Variants in MAGI2 observed in about 807,000 individuals in gnomAD.
MAGI2 encodes the protein membrane associated guanylate kinase, WW and PDZ domain containing 2.
MAGI2 carries 35 observed loss-of-function variants against 133.3 expected under a neutral mutation model. The ratio of observed to expected loss-of-function variants is 0.26; its 90% CI spans 0.20 to 0.35. The LOEUF (loss-of-function observed/expected upper bound fraction) is 0.35. Among genes scored for constraint, MAGI2 ranks in the 10% least tolerant of loss-of-function variants. MAGI2 has a pLI of 1.00. For missense variants in MAGI2, 1,636 were observed against 1,863.4 expected (o/e 0.88, Z 2.25); for synonymous variants, 729 against 710.6 (o/e 1.03, Z -0.41).
chr7:79,162,686 C>T (rs1304023638), intron 1 of MAGI2, among the ~76,000 whole-genome samples: 1 of 152,016 alleles, frequency 6.6e-6, no homozygotes, highest in Non-Finnish European at 1.5e-5. Context: ...AACAAAGCCT[C>T]CTGGGTATTT....
intron 3 of MAGI2, among the ~76,000 whole-genome samples, chr7:78,555,689 T>G (rs551936749): frequency 6.6e-6 from 1 of 152,220 alleles, no homozygotes; most frequent in East Asian, 1.9e-4. Flanking sequence ...ATTTATAGGG[T>G]GCTAAAGGAA....
At chr7:79,326,489 G>A (rs1839703761) in intron 1 of MAGI2, among the ~76,000 whole-genome samples, 3 of 152,046 alleles carry the variant, frequency 2.0e-5, no homozygotes. Context: ...GTTTTAAAAC[G>A]TCATTAATTG....
At chr7:79,131,440 A>G (rs1820930411) in intron 1 of MAGI2, among the ~76,000 whole-genome samples, 1 of 152,182 alleles carries the variant, frequency 6.6e-6, no homozygotes, top group South Asian at 2.1e-4. Flanking sequence ...GATAAATACT[A>G]ATATGTATCT....
At position 78,521,453 on chromosome 7, in the gene MAGI2, C is replaced by T. The variant is rs1796496462; in HGVS notation, c.731G>A (p.Gly244Glu). ...EEEEERPVVN[G>E]NGVVVTPESS... ...ACCTGGTGTTACTACTACTCCATTTCCATTGACCACAGGCCTCTCTTCCTC... is the reference window on the plus strand; with the variant it reads ...ACCTGGTGTTACTACTACTCCATTTTCATTGACCACAGGCCTCTCTTCCTC... Residue 244 changes from glycine (G) to glutamate (E), a missense_variant, in exon 4 of 22, where the codon GGA becomes GAA. Gly to Glu is a moderately conservative substitution (Grantham distance 98). Transcript: ENST00000354212. 1 of 1,613,902 alleles carries T rather than the reference C, an allele frequency of 6.2e-7. No individual in the cohort carries two copies. The highest frequency in any genetic ancestry group is 8.5e-7 in the Non-Finnish European group (1 of 1,179,966).
In MAGI2 at chr7:79,387,094, T is replaced by TTGTGTGTGTGTGTGTGTGTGTG. The variant is rs3050633; in HGVS notation, c.301+65904_301+65925dup. On this transcript the variant is annotated intron_variant, in intron 1 of 21. Transcript: ENST00000354212. ...AGAGATGGCTCACAAATTTTTATGC[T>TTGTGTGTGTGTGTGTGTGTGTG]TGTGTGTGTGTGTGTGTGTGTGTGT... Among the ~76,000 whole-genome samples, 255 of 141,584 alleles carry TTGTGTGTGTGTGTGTGTGTGTG rather than the reference T, an allele frequency of 1.8e-3. 3 individuals carry two copies. The highest frequency in any genetic ancestry group is 5.6e-3 in the African/African-American group (208 of 37,450). The allele number at this position is 141,584 out of a possible 152,430, so 92.9% of individuals were successfully genotyped here.
chr7:78,882,044 A>G (rs556758604), intron 2 of MAGI2, among the ~76,000 whole-genome samples: 90 of 140,564 alleles, frequency 6.4e-4, no homozygotes, highest in African/African-American at 2.3e-3. Flanking sequence ...AAGATAAATA[A>G]GACTGACAGA....
intron 1 of MAGI2, among the ~76,000 whole-genome samples, chr7:79,437,373 T>C (rs1848217892): frequency 6.6e-6 from 1 of 152,154 alleles, no homozygotes; most frequent in Non-Finnish European, 1.5e-5. Context: ...TATTTTTCTT[T>C]TTTAAAAAAT....
intron 1 of MAGI2, among the ~76,000 whole-genome samples, chr7:79,242,250 G>GTA (rs149794027): frequency 3.3e-5 from 5 of 151,848 alleles, no homozygotes; most frequent in African/African-American, 7.3e-5. Context: ...AGCCCACAAT[G>GTA]TATATATATA....
intron 2 of MAGI2, among the ~76,000 whole-genome samples, chr7:78,831,715 T>C (rs1212897014): frequency 6.6e-6 from 1 of 152,218 alleles, no homozygotes. Flanking sequence ...TTTTAAAACA[T>C]TCACTTCTTT....
chr7:78,633,705 C>CAAAAAA (rs36102006), intron 2 of MAGI2, among the ~76,000 whole-genome samples: 1 of 80,924 alleles, frequency 1.2e-5, no homozygotes, highest in Non-Finnish European at 2.4e-5. Context: ...GACTCCGTCT[C>CAAAAAA]AAAAAAAAAA....
intron 9 of MAGI2, among the ~76,000 whole-genome samples, chr7:78,299,586 G>T (rs760650975): frequency 9.2e-5 from 14 of 152,064 alleles, no homozygotes; most frequent in Non-Finnish European, 1.6e-4. Flanking sequence ...TTTTTTTGGG[G>T]TTGCCACTAT....
In MAGI2 at chr7:78,158,934, C is replaced by G. The variant is rs547129386; in HGVS notation, c.2845+1091G>C. 2.0e-5 allele frequency among the ~76,000 whole-genome samples: 3 copies of G among 152,196 alleles called. No individual in the cohort carries two copies. In the South Asian group the frequency reaches 6.2e-4, roughly 32 times the overall value. The stretch of plus-strand genomic sequence containing the variant: ...CTTGCACTCAGTGTATCAGCTGACA[C>G]CACCCAGACCAGTAATCTGCTTTAA... On this transcript the variant is annotated intron_variant, in intron 16 of 21. Coordinates refer to ENST00000354212, the MANE Select transcript of MAGI2 (RefSeq NM_012301.4).
intron 1 of MAGI2, among the ~76,000 whole-genome samples, chr7:79,391,985 G>C (rs569536011): frequency 1.7e-4 from 26 of 151,900 alleles, no homozygotes; most frequent in Admixed American, 1.7e-3. Context: ...TTAGATATTC[G>C]TCCTAATGCT....
intron 1 of MAGI2, among the ~76,000 whole-genome samples, chr7:79,094,144 T>G (rs968092904): frequency 6.6e-6 from 1 of 152,248 alleles, no homozygotes; most frequent in African/African-American, 2.4e-5. Flanking sequence ...AGTAAATCCT[T>G]TCAAACCCTG....
intron 2 of MAGI2, among the ~76,000 whole-genome samples, chr7:78,653,746 G>T (rs1211277434): frequency 6.8e-6 from 1 of 146,882 alleles, no homozygotes; most frequent in Admixed American, 6.9e-5. Context: ...TGCATGTTCT[G>T]CACCTGTATC....
At chr7:78,293,122 G>T (rs1440415657) in intron 9 of MAGI2, among the ~76,000 whole-genome samples, 1 of 152,156 alleles carries the variant, frequency 6.6e-6, no homozygotes, top group African/African-American at 2.4e-5. Context: ...CACTGCAAAA[G>T]AAACTACCAT....
At chr7:78,202,835 T>C (rs73703733) in intron 10 of MAGI2, among the ~76,000 whole-genome samples, 126 of 152,306 alleles carry the variant, frequency 8.3e-4, no homozygotes, top group African/African-American at 2.8e-3. Flanking sequence ...TTACATATGC[T>C]GTTCACTATT....
chr7:78,751,061 A>T (rs562615923), intron 2 of MAGI2, among the ~76,000 whole-genome samples: 1 of 152,192 alleles, frequency 6.6e-6, no homozygotes, highest in Non-Finnish European at 1.5e-5. Context: ...ACTTTAAATG[A>T]TAGAGAAAAA....
At chr7:79,389,316 A>C (rs1267700897) in intron 1 of MAGI2, among the ~76,000 whole-genome samples, 1 of 152,172 alleles carries the variant, frequency 6.6e-6, no homozygotes, top group African/African-American at 2.4e-5. Flanking sequence ...AGTATCATAA[A>C]ATTTCTTATG....
Sources: allele counts gnomAD v4.1 joint callset (sites outside exome capture counted in the v4.1 genomes callset), GRCh38; gene constraint gnomAD v4.1.1; transcripts MANE v1.5; gene names NCBI Gene and HGNC (gene_info 2026-07-23, HGNC 2026-07-21).